The following PACRGL variants were observed in gnomAD, a reference collection of about 807,000 sequenced individuals.
The protein encoded by PACRGL is parkin coregulated like, also known as PACRG-like protein.
Under a neutral mutation model 34.5 loss-of-function variants are expected in PACRGL, and 38 were observed. The observed-to-expected ratio is 1.10, with a 90% confidence interval of 0.85 to 1.44. The LOEUF (loss-of-function observed/expected upper bound fraction) is 1.44, where lower values mean the gene tolerates loss of function less well. Ranked by LOEUF, PACRGL falls within the 40% of genes most tolerant of loss-of-function variation. PACRGL has a pLI of 0.00. For synonymous variants in PACRGL, 128 were observed against 100.1 expected, an observed-to-expected ratio of 1.28 and a Z score of -1.66; for missense variants, 305 against 281.4, an observed-to-expected ratio of 1.08 and a Z score of -0.60.
chr4:20,730,221 C>A lies in PACRGL; in HGVS notation c.*2880C>A. The A allele has an allele frequency of 7.2e-7, 1 of 1,396,648 alleles. No individual in the cohort carries two copies. The highest frequency in any genetic ancestry group is 9.6e-7 in the Non-Finnish European group (1 of 1,046,446). 86.5% of individuals were successfully genotyped at this position (1,396,648 alleles called of 1,614,324 possible). A position where few individuals can be genotyped will look rare whatever the true frequency, so the allele number is the denominator to read the frequency against. ...CCTGAGTATTGCCTCCTCCCATCAACCACCTCAACCACCTATGCCAAAAGC... is the reference window on the plus strand; with the variant it reads ...CCTGAGTATTGCCTCCTCCCATCAAACACCTCAACCACCTATGCCAAAAGC... On this transcript the variant is annotated 3_prime_UTR_variant, in exon 9 of 9. Transcript: ENST00000503585.
intron 7 of PACRGL, 64 bp from the exon 8 acceptor site, chr4:20,724,744 A>C (rs573253094): frequency 2.3e-6 from 2 of 864,028 alleles, no homozygotes; most frequent in Non-Finnish European, 1.6e-6. Flanking sequence ...AGATTTACTT[A>C]TGCGTATGGT....
At chr4:20,760,149 G>A in the PACRGL span, among the ~76,000 whole-genome samples, 1 of 152,124 alleles carries the variant, frequency 6.6e-6, no homozygotes, top group African/African-American at 2.4e-5. Context: ...TGGAGAAGTG[G>A]TAAGTTCTGT....
At chr4:20,696,748 G>C (rs111775537), upstream of PACRGL, among the ~76,000 whole-genome samples, 752 of 152,300 alleles carry the variant, frequency 4.9e-3, 6 homozygotes, top group African/African-American at 0.017. Flanking sequence ...TTTCTGTACT[G>C]TCCAATACAG....
In PACRGL at chr4:20,739,936, A is replaced by C. The variant is rs189996209; in HGVS notation, c.*56+12539A>C. 4.2e-3 allele frequency among the ~76,000 whole-genome samples: 641 copies of C among 152,286 alleles called. 7 individuals are homozygous for C. The highest frequency in any genetic ancestry group is 0.012 in the Admixed American group (177 of 15,296). ...AGCTGAAAACCATGGCACAAGAACT[A>C]TCTGATGCATTCACAAGCTTCAGTA... is the stretch of plus-strand genomic sequence containing the variant. On this transcript the variant is annotated intron_variant, in intron 8 of 8. Transcript: ENST00000507634.
At position 20,727,295 on chromosome 4, in the gene PACRGL, G is replaced by A. The variant is rs775721949; in HGVS notation, c.701G>A (p.Ser234Asn). 4 of 1,612,300 alleles carry A rather than the reference G, an allele frequency of 2.5e-6. No individual in the cohort carries two copies. Among genetic ancestry groups the A allele is most frequent in the Non-Finnish European group, 3.4e-6 (4 of 1,178,584 alleles). Residue 234 changes from serine to asparagine, a missense_variant, in exon 9 of 9, where the codon AGC becomes AAC. By Grantham distance (46) the Ser-to-Asn change is conservative (BLOSUM62 1). Transcript: ENST00000503585. ...LEQHGGSGSL[S>N]IIKSKIPTYC... is the part of the protein sequence containing the mutation. ...TTTTTCTGTTGACAGGGGAGCCTTA[G>A]CATCATCAAATCTAAAATTCCAACA...
Position 20,727,612 on chromosome 4 carries a change from A to G in PACRGL, c.*271A>G. On this transcript the variant is annotated 3_prime_UTR_variant, in exon 9 of 9. Transcript: ENST00000503585. ...GCGAAGAACCATTATTGAGTTTGCA[A>G]GATAAGATGTATTTGTATTTTCTAG... The G allele has an allele frequency of 3.2e-6, 1 of 313,270 alleles. No individual in the cohort carries two copies. Among genetic ancestry groups the G allele is most frequent in the East Asian group, 5.3e-5 (1 of 18,810 alleles). The allele number at this position is 313,270 out of a possible 1,614,324, so 19.4% of individuals were successfully genotyped here. A position where few individuals can be genotyped will look rare whatever the true frequency, so the allele number is the denominator to read the frequency against.
downstream of PACRGL, among the ~76,000 whole-genome samples, chr4:20,734,205 G>T (rs578011123): frequency 6.6e-6 from 1 of 152,108 alleles, no homozygotes; most frequent in African/African-American, 2.4e-5. Context: ...CTGCCTCAAC[G>T]TGCATTTGGA....
chr4:20,730,932 AAATT>A lies in PACRGL; in HGVS notation c.*3596_*3599del, dbSNP rs1230084394. On this transcript the variant is annotated 3_prime_UTR_variant, in exon 9 of 9. Coordinates refer to ENST00000503585, the MANE Select transcript of PACRGL (RefSeq NM_001258345.3). ...CACCGTCAAGCAGCTTAATGTCACC[AAATT>A]AATTCTCTCAAAGACCACTGCATGG... 6.6e-6 allele frequency among the ~76,000 whole-genome samples: 1 copy of A among 152,174 alleles called. No homozygotes were observed. The highest frequency in any genetic ancestry group is 1.5e-5 in the Non-Finnish European group (1 of 68,036).
intron 3 of PACRGL, 61 bp downstream of exon 3, chr4:20,704,875 A>T: frequency 6.5e-7 from 1 of 1,547,710 alleles, no homozygotes; most frequent in Non-Finnish European, 8.9e-7. Flanking sequence ...ACAGTATTGA[A>T]CAATGCTGGA....
intron 3 of PACRGL, 21 bp from the exon 4 acceptor site, chr4:20,707,782 T>C (rs1404130349): frequency 1.2e-6 from 2 of 1,605,750 alleles, no homozygotes; most frequent in South Asian, 2.2e-5. Context: ...GTGATAGTAA[T>C]ATTTTCATTT....
At chr4:20,711,189 G>A (rs995116370) in intron 5 of PACRGL, among the ~76,000 whole-genome samples, 1 of 151,908 alleles carries the variant, frequency 6.6e-6, no homozygotes, top group Admixed American at 6.6e-5. Flanking sequence ...GTCAAAACTG[G>A]TGATAGCTTT....
chr4:20,719,584 T>C (rs1741979148), intron 7 of PACRGL, among the ~76,000 whole-genome samples: 1 of 152,380 alleles, frequency 6.6e-6, no homozygotes, highest in Admixed American at 6.5e-5. Flanking sequence ...CATTTCATTA[T>C]GTATCCAGCA....
the PACRGL span, among the ~76,000 whole-genome samples, chr4:20,761,962 C>CT: frequency 1.3e-5 from 2 of 152,124 alleles, no homozygotes; most frequent in African/African-American, 4.8e-5. Context: ...ACTGGGACTG[C>CT]TACAATAAAC....
At chr4:20,761,218 G>C in the PACRGL span, among the ~76,000 whole-genome samples, 1 of 152,160 alleles carries the variant, frequency 6.6e-6, no homozygotes, top group Non-Finnish European at 1.5e-5. Context: ...TGAGGCTCCA[G>C]CTTGCCAGAC....
rs59189281 is a variant in PACRGL at position 20,727,652 on chromosome 4, T to TAAC, written c.*316_*318dup. 4.5e-6 allele frequency: 1 copy of TAAC among 220,144 alleles called. No individual in the cohort carries two copies. Among genetic ancestry groups the TAAC allele is most frequent in the East Asian group, 9.4e-5 (1 of 10,638 alleles). The allele number at this position is 220,144 out of a possible 1,614,324, so 13.6% of individuals were successfully genotyped here. ...GTATTTTCTAGTGTCTTTTTATTTATAACAACACTTTTTTGGCAATCAGTT... is the reference window on the plus strand; with the variant it reads ...GTATTTTCTAGTGTCTTTTTATTTATAACAACAACACTTTTTTGGCAATCAGTT... On this transcript the variant is annotated 3_prime_UTR_variant, in exon 9 of 9. Transcript: ENST00000503585.
At position 20,707,781 on chromosome 4, in the gene PACRGL, A is replaced by G. The variant is rs529751522; in HGVS notation, c.208-22A>G. Reference sequence around the variant, plus strand: ...GACCTCAGAAGTATAGGTGATAGTAATATTTTCATTTTTTATTTTAGTTTG... The same window carrying G: ...GACCTCAGAAGTATAGGTGATAGTAGTATTTTCATTTTTTATTTTAGTTTG... On this transcript the variant is annotated intron_variant, in intron 3 of 8. Coordinates refer to ENST00000503585, the MANE Select transcript of PACRGL (RefSeq NM_001258345.3). The G allele has an allele frequency of 2.5e-6, 4 of 1,604,572 alleles. No individual in the cohort carries two copies. In the South Asian group the frequency reaches 4.4e-5, roughly 18 times the overall value.
At chr4:20,716,528 C>T (rs1038770352) in intron 7 of PACRGL, among the ~76,000 whole-genome samples, 2 of 152,114 alleles carry the variant, frequency 1.3e-5, no homozygotes, top group African/African-American at 2.4e-5. Flanking sequence ...GTTCCCCTTC[C>T]TGTGTCCAAG....
chr4:20,744,809 A>C (rs949697128), intron 8 of PACRGL, among the ~76,000 whole-genome samples: 1 of 152,184 alleles, frequency 6.6e-6, no homozygotes, highest in African/African-American at 2.4e-5. Context: ...AGCACGTTTA[A>C]GTCAAGTGTG....
chr4:20,739,432 T>C (rs536017913), intron 8 of PACRGL, among the ~76,000 whole-genome samples: 2 of 152,306 alleles, frequency 1.3e-5, no homozygotes, highest in South Asian at 4.1e-4. Context: ...TAGCCTCTGC[T>C]GGTGATAACC....
Sources: allele counts gnomAD v4.1 joint callset (sites outside exome capture counted in the v4.1 genomes callset), GRCh38; gene constraint gnomAD v4.1.1; transcripts MANE v1.5; gene names NCBI Gene and HGNC (gene_info 2026-07-23, HGNC 2026-07-21).